Variants in COG5 observed in about 807,000 individuals in gnomAD.
The protein encoded by COG5 is conserved oligomeric Golgi complex subunit 5.
In COG5, 86 loss-of-function variants were observed where a neutral mutation model predicts 110.4. The observed-to-expected ratio is 0.78, with a 90% CI of 0.65 to 0.93. The LOEUF (loss-of-function observed/expected upper bound fraction) is 0.93. Ranked by LOEUF, COG5 falls within the 40% of genes least tolerant of loss-of-function variation. The probability of loss-of-function intolerance (pLI) is 0.00; values close to 1 mark genes in which losing one functional copy is unlikely to be tolerated. For missense variants in COG5, 1,077 were observed against 987.0 expected (o/e 1.09, Z -1.22); for synonymous variants, 360 against 334.6 (o/e 1.08, Z -0.83).
At chr7:107,332,800 G>A (rs965810088) in intron 10 of COG5, among the ~76,000 whole-genome samples, 1 of 152,122 alleles carries the variant, frequency 6.6e-6, no homozygotes, top group African/African-American at 2.4e-5. Context: ...AAAGGACTCA[G>A]GTTTCTGTTG....
chr7:107,216,917 AG>A (rs1183792610), intron 19 of COG5, among the ~76,000 whole-genome samples: 19 of 152,268 alleles, frequency 1.2e-4, no homozygotes, highest in Non-Finnish European at 2.4e-4. Context: ...CTAGAAAACC[AG>A]GGGAAAAAAT....
At chr7:107,549,953 A>G (rs1381338024) in intron 3 of COG5, among the ~76,000 whole-genome samples, 4 of 152,302 alleles carry the variant, frequency 2.6e-5, no homozygotes, top group African/African-American at 9.6e-5. Context: ...ACATCTATGT[A>G]AAAAGATTTT....
At chr7:107,543,860 C>A (rs1156340286) in intron 5 of COG5, among the ~76,000 whole-genome samples, 1 of 152,150 alleles carries the variant, frequency 6.6e-6, no homozygotes, top group African/African-American at 2.4e-5. Flanking sequence ...GGGTCCAGGT[C>A]CATCCCAGCA....
chr7:107,310,654 A>G (rs566743982), intron 11 of COG5, among the ~76,000 whole-genome samples: 1 of 152,318 alleles, frequency 6.6e-6, no homozygotes, highest in African/African-American at 2.4e-5. Flanking sequence ...AAAACTGAAA[A>G]CTGCTCGAAG....
chr7:107,235,521 G>A (rs546781066), intron 18 of COG5, among the ~76,000 whole-genome samples: 4 of 152,174 alleles, frequency 2.6e-5, no homozygotes, highest in Non-Finnish European at 5.9e-5. Context: ...TGGCCAATAC[G>A]GTTAAACCCT....
chr7:107,335,676 T>C (rs1203968493), intron 10 of COG5, among the ~76,000 whole-genome samples: 1 of 151,784 alleles, frequency 6.6e-6, no homozygotes, highest in Non-Finnish European at 1.5e-5. Context: ...AGACACAGAG[T>C]AGCTGAATGG....
At chr7:107,407,662 G>A (rs1255794681) in intron 7 of COG5, among the ~76,000 whole-genome samples, 2 of 146,654 alleles carry the variant, frequency 1.4e-5, no homozygotes, top group African/African-American at 5.1e-5. Flanking sequence ...CCTAAATAGA[G>A]GTTCTAAAAC....
intron 7 of COG5, among the ~76,000 whole-genome samples, chr7:107,380,087 G>A (rs148348049): frequency 2.6e-5 from 4 of 152,198 alleles, no homozygotes; most frequent in Admixed American, 2.0e-4. Flanking sequence ...AGACCACAGC[G>A]CAATCAAATT....
At chr7:107,557,921 C>A in intron 2 of COG5, 55 bp downstream of exon 2, 5 of 1,592,082 alleles carry the variant, frequency 3.1e-6, no homozygotes, top group Non-Finnish European at 2.6e-6. Context: ...TACAAAAATG[C>A]TAAATTATCA....
At chr7:107,496,372 CA>C (rs1798272765) in intron 6 of COG5, among the ~76,000 whole-genome samples, 2 of 152,012 alleles carry the variant, frequency 1.3e-5, no homozygotes, top group Admixed American at 1.3e-4. Flanking sequence ...AAAAATCAAT[CA>C]ACTGACTGGG....
chr7:107,474,411 C>T lies in COG5; in HGVS notation c.538+52826G>A, dbSNP rs766158506. 22 of 1,612,862 alleles carry T rather than the reference C, an allele frequency of 1.4e-5. No individual in the cohort carries two copies. Among genetic ancestry groups the T allele is most frequent in the Non-Finnish European group, 1.7e-5 (20 of 1,179,214 alleles). On this transcript the variant is annotated intron_variant, in intron 6 of 21. Coordinates refer to ENST00000297135, the MANE Select transcript of COG5 (RefSeq NM_006348.5). This position sits in a 1 kb window ranked among gnomAD's most constrained non-coding sequence, Gnocchi z 5.7. ...GTAACACTGCTCTCATTTGCTGTTT[C>T]CATGAGGCTTGTGTATCTTTTGCAA...
At chr7:107,471,524 A>G (rs888388167) in intron 6 of COG5, 2 of 151,972 alleles carry the variant, frequency 1.3e-5, no homozygotes, top group African/African-American at 4.8e-5. Context: ...ATAGGTCTAC[A>G]TTACTGATGG....
chr7:107,254,233 T>C (rs1802722711), intron 16 of COG5, among the ~76,000 whole-genome samples: 1 of 152,160 alleles, frequency 6.6e-6, no homozygotes, highest in Non-Finnish European at 1.5e-5. Flanking sequence ...AAAAAGTATG[T>C]TTAATATCTT....
chr7:107,446,594 C>T (rs1446875528), intron 6 of COG5, among the ~76,000 whole-genome samples: 3 of 152,134 alleles, frequency 2.0e-5, no homozygotes, highest in Admixed American at 6.6e-5. Flanking sequence ...AACATTATGG[C>T]TTCTATACTG....
intron 6 of COG5, among the ~76,000 whole-genome samples, chr7:107,450,796 C>T (rs557161119): frequency 6.6e-6 from 1 of 152,308 alleles, no homozygotes; most frequent in African/African-American, 2.4e-5. Flanking sequence ...ACAACGAGAA[C>T]ACCTTTTCTT....
intron 6 of COG5, among the ~76,000 whole-genome samples, chr7:107,425,338 G>A (rs1283291169): frequency 1.2e-4 from 16 of 138,912 alleles, no homozygotes; most frequent in African/African-American, 4.2e-4. Context: ...GTGAGACTCT[G>A]TCTCCAAAAA....
intron 14 of COG5, among the ~76,000 whole-genome samples, chr7:107,271,679 C>T (rs1276653268): frequency 2.6e-5 from 4 of 152,054 alleles, no homozygotes; most frequent in Non-Finnish European, 2.9e-5. Flanking sequence ...AATCATAATT[C>T]TAGAATATGC....
intron 10 of COG5, among the ~76,000 whole-genome samples, chr7:107,331,609 G>A (rs992963864): frequency 1.3e-5 from 2 of 152,158 alleles, no homozygotes; most frequent in Admixed American, 1.3e-4. Context: ...TATGGCCAGA[G>A]TAGTAGAGTA....
chr7:107,510,517 G>C (rs1437755216), intron 6 of COG5, among the ~76,000 whole-genome samples: 1 of 152,124 alleles, frequency 6.6e-6, no homozygotes, highest in Non-Finnish European at 1.5e-5. Context: ...AGGATACCCA[G>C]GAATTGAACT....
Sources: allele counts gnomAD v4.1 joint callset (sites outside exome capture counted in the v4.1 genomes callset), GRCh38; gene constraint gnomAD v4.1.1; non-coding constraint Gnocchi (gnomAD v3.1); transcripts MANE v1.5; gene names NCBI Gene and HGNC (gene_info 2026-07-23, HGNC 2026-07-21).